BEND5: variants seen among roughly 807,000 people sequenced by gnomAD.
The protein encoded by BEND5 is BEN domain containing 5, also known as BEN domain-containing protein 5.
Under a neutral mutation model 43.9 loss-of-function variants are expected in BEND5, and 22 were observed. That is an observed-to-expected ratio of 0.50 (90% CI 0.36 to 0.72). The LOEUF (loss-of-function observed/expected upper bound fraction) is 0.72. Ranked by LOEUF, BEND5 falls within the 30% of genes least tolerant of loss-of-function variation. The pLI, the probability that BEND5 is intolerant of heterozygous loss-of-function variation, is 0.00. For missense variants in BEND5, 428 were observed against 550.6 expected (o/e 0.78, Z 2.23); for synonymous variants, 228 against 225.9 (o/e 1.01, Z -0.08).
chr1:48,744,668 C>T (rs1009526216), intron 3 of BEND5, among the ~76,000 whole-genome samples: 1 of 152,138 alleles, frequency 6.6e-6, no homozygotes, highest in Non-Finnish European at 1.5e-5. Context: ...CTCTCCCATC[C>T]ATCTCTATAA....
chr1:48,773,538 A>G (rs1306483586), intron 1 of BEND5, among the ~76,000 whole-genome samples: 1 of 152,162 alleles, frequency 6.6e-6, no homozygotes, highest in African/African-American at 2.4e-5. Flanking sequence ...ATGGAGAAAG[A>G]GCAGAATGGG....
intron 4 of BEND5, among the ~76,000 whole-genome samples, chr1:48,738,645 A>T (rs895887473): frequency 6.6e-6 from 1 of 152,220 alleles, no homozygotes; most frequent in Non-Finnish European, 1.5e-5. Flanking sequence ...TGAATCAGAA[A>T]ATCATAGAGA....
intron 1 of BEND5, among the ~76,000 whole-genome samples, chr1:48,762,656 G>GTGTGTGTGTGTGTGTA (rs763897262): frequency 5.8e-4 from 81 of 138,734 alleles, no homozygotes; most frequent in African/African-American, 1.5e-3. Context: ...GTGTGTGTGT[G>GTGTGTGTGTGTGTGTA]TGTATGTATT....
In BEND5 at chr1:48,736,983, T is replaced by A. The variant is rs1649161499; in HGVS notation, c.895-531A>T. 2.0e-5 allele frequency among the ~76,000 whole-genome samples: 3 copies of A among 152,072 alleles called. No individual in the cohort carries two copies. Among genetic ancestry groups the A allele is most frequent in the Admixed American group, 2.0e-4 (3 of 15,272 alleles). On this transcript the variant is annotated intron_variant, in intron 4 of 5. Coordinates refer to ENST00000371833, the MANE Select transcript of BEND5 (RefSeq NM_024603.4). The surrounding 1 kb of genome is among the most constrained non-coding windows in gnomAD (Gnocchi z 4.0). Reference sequence around the variant, plus strand: ...TGCACACAGGGGTCACCTAGGGAGCTGTAAAAATCACCAGTGACAGCCAGG... The same window carrying A: ...TGCACACAGGGGTCACCTAGGGAGCAGTAAAAATCACCAGTGACAGCCAGG...
chr1:48,743,263 A>C (rs1650214954), intron 3 of BEND5, among the ~76,000 whole-genome samples: 1 of 152,194 alleles, frequency 6.6e-6, no homozygotes, highest in African/African-American at 2.4e-5. Context: ...AGACTGGAGC[A>C]TTTGAATCAA....
intron 3 of BEND5, among the ~76,000 whole-genome samples, chr1:48,754,782 C>T (rs1351685011): frequency 2.0e-5 from 3 of 152,046 alleles, no homozygotes; most frequent in Non-Finnish European, 2.9e-5. Flanking sequence ...GAGATGATAT[C>T]CTTTGTGGGG....
chr1:48,754,793 A>G (rs975180293), intron 3 of BEND5, among the ~76,000 whole-genome samples: 3 of 152,120 alleles, frequency 2.0e-5, no homozygotes, highest in African/African-American at 7.2e-5. Flanking sequence ...CTTTGTGGGG[A>G]GTAAAGGGGA....
At chr1:48,750,307 C>T (rs2148626231) in intron 3 of BEND5, among the ~76,000 whole-genome samples, 1 of 152,290 alleles carries the variant, frequency 6.6e-6, no homozygotes, top group Middle Eastern at 3.4e-3. Context: ...ATGTCTGCAA[C>T]CTCATCTCTT....
intron 5 of BEND5, among the ~76,000 whole-genome samples, chr1:48,728,708 C>T (rs1224281588): frequency 2.0e-5 from 3 of 152,180 alleles, no homozygotes; most frequent in African/African-American, 4.8e-5. Context: ...TCAGCCTAGG[C>T]GTGGACTTGC....
Position 48,759,073 on chromosome 1 carries a change from T to C in BEND5, c.572A>G (p.Gln191Arg), listed in dbSNP as rs1380870508. The C allele has an allele frequency of 2.1e-5, 34 of 1,613,042 alleles. No homozygotes were observed. Among genetic ancestry groups the C allele is most frequent in the Non-Finnish European group, 2.7e-5 (32 of 1,179,614 alleles). The change falls in exon 3 of 6, where the codon CAG (glutamine) becomes CGG (arginine). Residue 191 changes from glutamine (Q) to arginine (R), a missense_variant. Gln to Arg is a conservative substitution (Grantham distance 43). This residue lies in a region of BEND5 where 243 missense variants were observed against 286.4 expected (regional missense o/e 0.85). Transcript: ENST00000371833. ...ALYEELLRNY[Q>R]QQQEEMRHLQ... ...GTGGCGCATCTCTTCCTGTTGCTGCTGGTAGTTGCGCAGCAGCTCCTCATA... is the reference window on the plus strand; with the variant it reads ...GTGGCGCATCTCTTCCTGTTGCTGCCGGTAGTTGCGCAGCAGCTCCTCATA...
Position 48,759,198 on chromosome 1 carries a change from G to A in BEND5, c.447C>T (p.Ser149=). 6.2e-7 allele frequency: 1 copy of A among 1,611,908 alleles called. No individual in the cohort carries two copies. Among genetic ancestry groups the A allele is most frequent in the African/African-American group, 1.3e-5 (1 of 75,016 alleles). The change falls in exon 3 of 6, where the codon AGC becomes AGT. Residue 149 remains serine (S), a synonymous_variant. Transcript: ENST00000371833. ...CTTCCGGACACGTGCTATGGCCCAG[G>A]CTCAGGCCGTTCTGCTTCTCTAGCC... ...VARLEKQNGL[S]LGHSTCPEEV... is the part of the protein sequence containing the mutation.
chr1:48,767,906 C>T (rs965486367), intron 1 of BEND5, among the ~76,000 whole-genome samples: 4 of 152,208 alleles, frequency 2.6e-5, no homozygotes, highest in African/African-American at 9.6e-5. Context: ...ATCCATTCAA[C>T]AAATACTGAG....
intron 1 of BEND5, among the ~76,000 whole-genome samples, chr1:48,762,199 C>T (rs184183596): frequency 3.9e-5 from 6 of 152,076 alleles, no homozygotes; most frequent in Admixed American, 1.3e-4. Flanking sequence ...TCTGGCACCT[C>T]GCCCACTGCT....
At chr1:48,739,256 C>G (rs974598488) in intron 4 of BEND5, among the ~76,000 whole-genome samples, 1 of 152,222 alleles carries the variant, frequency 6.6e-6, no homozygotes, top group Non-Finnish European at 1.5e-5. Flanking sequence ...CCTATAATCA[C>G]GACAGATTAA....
chr1:48,738,193 A>G (rs1649363332), intron 4 of BEND5, among the ~76,000 whole-genome samples: 1 of 152,208 alleles, frequency 6.6e-6, no homozygotes, highest in Non-Finnish European at 1.5e-5. Context: ...CCAACCATCA[A>G]GAAGAAAAAA....
rs563402290 is a variant in BEND5, at chr1:48,757,156, TTC to T, written c.745+1742_745+1743del. 1.8e-3 allele frequency among the ~76,000 whole-genome samples: 271 copies of T among 152,218 alleles called. 5 individuals carry two copies. In the South Asian group the frequency reaches 0.022, roughly 12 times the overall value. On this transcript the variant is annotated intron_variant, in intron 3 of 5. Transcript: ENST00000371833. Reference sequence around the variant, plus strand: ...GGGAGTTGAATTAAGTACCAAGAATTTCTGTTTTTGGTGTACTTCCCCACAAG... The same window carrying T: ...GGGAGTTGAATTAAGTACCAAGAATTTGTTTTTGGTGTACTTCCCCACAAG...
At chr1:48,764,848 G>A (rs961448919) in intron 1 of BEND5, among the ~76,000 whole-genome samples, 9 of 152,198 alleles carry the variant, frequency 5.9e-5, no homozygotes, top group African/African-American at 2.2e-4. Flanking sequence ...TGCAGCGGAT[G>A]ACAGAGCTCA....
chr1:48,745,128 G>A (rs1213967449), intron 3 of BEND5, among the ~76,000 whole-genome samples: 1 of 152,200 alleles, frequency 6.6e-6, no homozygotes, highest in African/African-American at 2.4e-5. Context: ...GGAGCGTAGG[G>A]AAGCGCCTGG....
chr1:48,769,684 T>C (rs1644715160), intron 1 of BEND5, among the ~76,000 whole-genome samples: 1 of 152,196 alleles, frequency 6.6e-6, no homozygotes, highest in South Asian at 2.1e-4. Flanking sequence ...TCTCAGCACC[T>C]ATTAGTCCAC....
Sources: gnomAD v4.1 joint callset for allele counts (sites outside exome capture counted in the v4.1 genomes callset) on GRCh38, gnomAD v4.1.1 for gene constraint, gnomAD v4.1.1 regional missense constraint, Gnocchi (gnomAD v3.1) non-coding constraint, MANE v1.5 for transcripts, NCBI Gene and HGNC (gene_info 2026-07-23, HGNC 2026-07-21) for gene names.